The following DOCK10 variants were observed in gnomAD, a reference collection of about 807,000 sequenced individuals.
The protein encoded by DOCK10 is dedicator of cytokinesis 10, also known as dedicator of cytokinesis protein 10.
DOCK10 carries 145 observed loss-of-function variants against 280.1 expected under a neutral mutation model. The observed-to-expected ratio is 0.52, with a 90% CI of 0.45 to 0.59. The LOEUF is 0.59. DOCK10 is among the 20% of genes least tolerant of loss of function. The pLI is 0.00. For synonymous variants in DOCK10, 915 were observed against 942.2 expected (o/e 0.97, Z 0.53); for missense variants, 2,368 against 2,651.7 (o/e 0.89, Z 2.35).
At chr2:225,032,159 T>A (rs1370074620) in intron 1 of DOCK10, among the ~76,000 whole-genome samples, 1 of 152,146 alleles carries the variant, frequency 6.6e-6, no homozygotes, top group African/African-American at 2.4e-5. Context: ...CTCCCCAGAT[T>A]TTTAGGACTA....
Position 224,775,095 on chromosome 2 carries a change from G to T in DOCK10, c.5823C>A (p.Asp1941Glu), listed in dbSNP as rs1257617800. The T allele has an allele frequency of 6.2e-7, 1 of 1,613,970 alleles. No individual in the cohort carries two copies. The highest frequency in any genetic ancestry group is 8.5e-7 in the Non-Finnish European group (1 of 1,179,856). ...DSNKVNPKDLDPKYAYIQVTY... is the reference protein window; with the variant it reads ...DSNKVNPKDLEPKYAYIQVTY... ...TCACCTGGATGTAGGCATATTTGGGGTCCAAATCCTTGGGGTTTACCTGTG... is the reference window on the plus strand; with the variant it reads ...TCACCTGGATGTAGGCATATTTGGGTTCCAAATCCTTGGGGTTTACCTGTG... Residue 1941 changes from aspartate to glutamate, a missense_variant, in exon 52 of 56, where the codon GAC (aspartate) becomes GAA (glutamate). Coordinates refer to ENST00000258390, the MANE Select transcript of DOCK10 (RefSeq NM_014689.3).
rs182685332 is a variant in DOCK10, at chr2:224,972,694, G to A, written c.124-41026C>T. On this transcript the variant is annotated intron_variant, in intron 1 of 55. Coordinates refer to ENST00000258390, the MANE Select transcript of DOCK10 (RefSeq NM_014689.3). ...TTCGACTTTTCTTTATGATTGTGGT[G>A]GTTTTAAATCCTAAACATTCAAGCT... 4.6e-5 allele frequency among the ~76,000 whole-genome samples: 7 copies of A among 152,108 alleles called. 2 individuals are homozygous for A. Among genetic ancestry groups the A allele is most frequent in the African/African-American group, 1.7e-4 (7 of 41,502 alleles).
At chr2:224,826,561 G>A (rs1218812226) in intron 27 of DOCK10, among the ~76,000 whole-genome samples, 2 of 152,114 alleles carry the variant, frequency 1.3e-5, no homozygotes, top group Non-Finnish European at 2.9e-5. Flanking sequence ...CAAATAGCTT[G>A]GGAAAAGTTT....
At chr2:224,963,377 G>A (rs1261442704) in intron 1 of DOCK10, among the ~76,000 whole-genome samples, 7 of 152,166 alleles carry the variant, frequency 4.6e-5, no homozygotes, top group East Asian at 1.9e-4. Flanking sequence ...TAGTTTACTC[G>A]TGAAGATTTC....
intron 18 of DOCK10, 105 bp from the exon 19 acceptor site, chr2:224,849,704 C>G: frequency 2.7e-6 from 2 of 741,690 alleles, no homozygotes; most frequent in Middle Eastern, 3.9e-4. Context: ...CAATGGCAAA[C>G]TTTGTGATAA....
chr2:224,887,266 C>T (rs1256109766), intron 4 of DOCK10, among the ~76,000 whole-genome samples: 1 of 152,006 alleles, frequency 6.6e-6, no homozygotes, highest in African/African-American at 2.4e-5. Flanking sequence ...CTGGAAGAGC[C>T]CCAGCCCTGA....
intron 40 of DOCK10, 56 bp from the exon 41 acceptor site, chr2:224,800,319 A>C (rs1236240541): frequency 1.9e-6 from 2 of 1,030,132 alleles, no homozygotes; most frequent in Admixed American, 2.3e-5. Flanking sequence ...TTTGTACCCT[A>C]TAAAGGATTT....
At chr2:225,004,749 T>C (rs966016495) in intron 1 of DOCK10, among the ~76,000 whole-genome samples, 2 of 152,216 alleles carry the variant, frequency 1.3e-5, no homozygotes, top group African/African-American at 4.8e-5. Flanking sequence ...AGTGTGCTGA[T>C]GCAATTTCAG....
At chr2:224,776,543 G>A (rs1294358281) in intron 51 of DOCK10, among the ~76,000 whole-genome samples, 2 of 151,698 alleles carry the variant, frequency 1.3e-5, no homozygotes, top group African/African-American at 4.9e-5. Flanking sequence ...CTAAGAAGGA[G>A]AATGATGAAC....
chr2:225,023,890 A>G (rs1050943834), intron 1 of DOCK10, among the ~76,000 whole-genome samples: 2 of 152,256 alleles, frequency 1.3e-5, no homozygotes, highest in Non-Finnish European at 2.9e-5. Flanking sequence ...ATCTCCCACA[A>G]GTTAATCACT....
At chr2:224,918,749 C>A (rs560364676) in intron 2 of DOCK10, among the ~76,000 whole-genome samples, 4 of 143,984 alleles carry the variant, frequency 2.8e-5, no homozygotes, top group Admixed American at 2.1e-4. Context: ...AGTGTGTATA[C>A]ATGAGTGTGT....
Position 224,941,618 on chromosome 2 carries a change from T to C in DOCK10, c.124-9950A>G, listed in dbSNP as rs536740427. On this transcript the variant is annotated intron_variant, in intron 1 of 55. Coordinates refer to ENST00000258390, the MANE Select transcript of DOCK10 (RefSeq NM_014689.3). ...CAGAACGTTGGAAGGCCAAGGTGGG[T>C]GGATCACCTGAGGTCAGGAGTGCGA... Among the ~76,000 whole-genome samples, 7 of 152,018 alleles carry C rather than the reference T, an allele frequency of 4.6e-5. No homozygotes were observed. In the South Asian group the frequency reaches 1.5e-3, roughly 32 times the overall value.
chr2:224,828,785 A>C (rs1345172760), intron 27 of DOCK10, among the ~76,000 whole-genome samples: 1 of 152,200 alleles, frequency 6.6e-6, no homozygotes, highest in Non-Finnish European at 1.5e-5. Context: ...ACCGACTCTC[A>C]GGGAGTTGTA....
At chr2:224,814,556 CTG>C (rs1206541321) in intron 30 of DOCK10, among the ~76,000 whole-genome samples, 192 bp from the exon 31 acceptor site, 1 of 152,120 alleles carries the variant, frequency 6.6e-6, no homozygotes, top group African/African-American at 2.4e-5. Flanking sequence ...GAATCTGGCT[CTG>C]TCGCTCAGGC....
chr2:224,886,848 G>A (rs1272608022), intron 4 of DOCK10, among the ~76,000 whole-genome samples: 1 of 150,882 alleles, frequency 6.6e-6, no homozygotes, highest in East Asian at 1.9e-4. Flanking sequence ...TCCACCTCCC[G>A]GGTTGAAGCG....
At chr2:224,904,814 T>C (rs1459677102) in intron 3 of DOCK10, among the ~76,000 whole-genome samples, 1 of 152,166 alleles carries the variant, frequency 6.6e-6, no homozygotes, top group East Asian at 1.9e-4. Context: ...TAATATGTGG[T>C]CCAAAATTAA....
At position 224,816,659 on chromosome 2, in the gene DOCK10, A is replaced by C; in HGVS notation, c.3322T>G (p.Phe1108Val). The C allele has an allele frequency of 6.2e-7, 1 of 1,609,720 alleles. No homozygotes were observed. Among genetic ancestry groups the C allele is most frequent in the Non-Finnish European group, 8.5e-7 (1 of 1,177,594 alleles). The change falls in exon 30 of 56, where the codon TTT (phenylalanine) becomes GTT (valine). Residue 1108 changes from phenylalanine to valine, a missense_variant. Transcript: ENST00000258390. Reference sequence around the variant, plus strand: ...CTTATGGGCAGACACAAAGGGATAAAGTGTTCATGTTGACATACTTCTTGA... The same window carrying C: ...CTTATGGGCAGACACAAAGGGATAACGTGTTCATGTTGACATACTTCTTGA... ...FLQEVCQHEH[F>V]IPLCLPIRSA...
chr2:225,000,175 T>C (rs115995071), intron 1 of DOCK10, among the ~76,000 whole-genome samples: 201 of 151,452 alleles, frequency 1.3e-3, no homozygotes, highest in African/African-American at 4.7e-3. Context: ...TAAAGCAGCA[T>C]TGGGATCACT....
At chr2:224,952,722 A>G (rs1446061822) in intron 1 of DOCK10, among the ~76,000 whole-genome samples, 7 of 149,568 alleles carry the variant, frequency 4.7e-5, no homozygotes, top group African/African-American at 1.7e-4. Context: ...CCTCCCAAGT[A>G]GCTGGGACTA....
Sources: gnomAD v4.1 joint callset for allele counts (sites outside exome capture counted in the v4.1 genomes callset) on GRCh38, gnomAD v4.1.1 for gene constraint, MANE v1.5 for transcripts, NCBI Gene and HGNC (gene_info 2026-07-23, HGNC 2026-07-21) for gene names.